SYMPK: variants seen among roughly 807,000 people sequenced by gnomAD.
SYMPK encodes symplekin scaffold protein, also known as symplekin.
SYMPK carries 49 observed loss-of-function variants against 136.4 expected under a neutral mutation model. The observed-to-expected ratio is 0.36, with a 90% CI of 0.29 to 0.46. The LOEUF is 0.46. Ranked by LOEUF, SYMPK falls within the 20% of genes least tolerant of loss-of-function variation. The pLI is 1.00. For synonymous variants in SYMPK, 766 were observed against 713.0 expected (o/e 1.07, Z -1.19); for missense variants, 1,365 against 1,690.0 (o/e 0.81, Z 3.37).
At position 45,815,887 on chromosome 19, in the gene SYMPK, C is replaced by G; in HGVS notation, c.3651G>C (p.Ala1217=). 3 of 1,612,344 alleles carry G rather than the reference C, an allele frequency of 1.9e-6. No homozygotes were observed. The highest frequency in any genetic ancestry group is 1.1e-5 in the South Asian group (1 of 90,964). ...GGCCCTCGAGACTAGAGTCCAACAG[C>G]GCGGCCTCGGTCAGCCCCGAGTCGT... The part of the protein sequence containing the change: ...MDDDSGLTEA[A]LLDSSLEGPL... Residue 1217 remains alanine (A), a synonymous_variant, in exon 26 of 27, where the codon GCG becomes GCC. Coordinates refer to ENST00000245934, the MANE Select transcript of SYMPK (RefSeq NM_004819.3).
Position 45,815,601 on chromosome 19 carries a change from C to A in SYMPK, c.3784G>T (p.Ala1262Ser), listed in dbSNP as rs1304005589. 1.3e-6 allele frequency: 2 copies of A among 1,598,758 alleles called. No homozygotes were observed. The highest frequency in any genetic ancestry group is 1.7e-5 in the Admixed American group (1 of 58,316). The stretch of plus-strand genomic sequence containing the variant: ...GCCTCGGGTTCCCTGGCGTCCTCGG[C>A]AGCCGGGCTGGGAGTCTTCATAGCA... The part of the protein sequence containing the change: ...EDAMKTPSPA[A>S]EDAREPEAKG... The change falls in exon 27 of 27, where the codon GCC (alanine) becomes TCC (serine). Residue 1262 changes from alanine to serine, a missense_variant. Transcript: ENST00000245934.
At position 45,829,074 on chromosome 19, in the gene SYMPK, G is replaced by A. The variant is rs778931528; in HGVS notation, c.1881C>T (p.Tyr627=). 18 of 1,614,192 alleles carry A rather than the reference G, an allele frequency of 1.1e-5. No homozygotes were observed. The highest frequency in any genetic ancestry group is 1.7e-5 in the Admixed American group (1 of 60,016). Residue 627 remains tyrosine, a synonymous_variant, in exon 14 of 27, where the codon TAC becomes TAT. Coordinates refer to ENST00000245934, the MANE Select transcript of SYMPK (RefSeq NM_004819.3). ...DLAFAWLYQE[Y]NAYLAAGASG... is the part of the protein sequence containing the mutation. Reference sequence around the variant, plus strand: ...AGGCACCTGCGGCCAGGTAGGCGTTGTACTCCTGGTAGAGCCAGGCGAAGG... The same window carrying A: ...AGGCACCTGCGGCCAGGTAGGCGTTATACTCCTGGTAGAGCCAGGCGAAGG...
intron 21 of SYMPK, 145 bp downstream of exon 21, chr19:45,822,611 G>T: frequency 1.5e-6 from 1 of 653,028 alleles, no homozygotes. Context: ...GGGAGCTCCG[G>T]GACACATGGA....
In SYMPK at chr19:45,815,845, C is replaced by T. The variant is rs1301824373; in HGVS notation, c.3687+6G>A. ...CTTCCTTCGCAGCGGAGGCTGCTCT[C>T]CCTACCTTGGGTAGGGGGCCCTCGA... is the stretch of plus-strand genomic sequence containing the variant. On this transcript the variant is annotated splice_donor_region_variant and intron_variant, in intron 26 of 26. Transcript: ENST00000245934. 2 of 1,611,228 alleles carry T rather than the reference C, an allele frequency of 1.2e-6. No individual in the cohort carries two copies. The highest frequency in any genetic ancestry group is 4.5e-5 in the East Asian group (2 of 44,854).
In SYMPK at chr19:45,830,041, GGCAGGCGCACACCTGGGCTGCCCCGCT is replaced by G; in HGVS notation, c.1735_1749+12del. On this transcript the variant is annotated splice_donor_variant and splice_donor_5th_base_variant and coding_sequence_variant and intron_variant, in exon 13 of 27. Transcript: ENST00000245934. LOFTEE classifies it high-confidence loss of function. The stretch of plus-strand genomic sequence containing the variant: ...GGACTGGAAGGATGGGGTGGGGGGT[GGCAGGCGCACACCTGGGCTGCCCCGCT>G]GCAGGCCACAGCCTTCTCAGCCCGC... 6.5e-7 allele frequency: 1 copy of G among 1,536,614 alleles called. No homozygotes were observed. Among genetic ancestry groups the G allele is most frequent in the Non-Finnish European group, 8.8e-7 (1 of 1,134,972 alleles).
chr19:45,827,225 C>T (rs999682556), intron 16 of SYMPK, among the ~76,000 whole-genome samples: 2 of 152,332 alleles, frequency 1.3e-5, no homozygotes, highest in Middle Eastern at 3.4e-3. Context: ...CACGGGTGGA[C>T]TAAGAGCGAG....
chr19:45,826,200 T>C (rs374618368), intron 17 of SYMPK, 26 bp downstream of exon 17: 410 of 1,601,992 alleles, frequency 2.6e-4, no homozygotes, highest in Non-Finnish European at 3.2e-4. Flanking sequence ...CAGCGCTCAG[T>C]ATGCATCTGA....
chr19:45,854,626 C>T (rs1026062227), intron 1 of SYMPK, 119 bp from the exon 2 acceptor site: 3 of 759,312 alleles, frequency 4.0e-6, no homozygotes, highest in Non-Finnish European at 4.4e-6. Context: ...TGTTCCTCCC[C>T]AGTCAGGCCT....
At position 45,823,378 on chromosome 19, in the gene SYMPK, C is replaced by T; in HGVS notation, c.2694G>A (p.Leu898=). 6.2e-7 allele frequency: 1 copy of T among 1,613,992 alleles called. No homozygotes were observed. The highest frequency in any genetic ancestry group is 8.5e-7 in the Non-Finnish European group (1 of 1,179,996). The change falls in exon 20 of 27, where the codon CTG becomes CTA. Residue 898 remains leucine (L), a synonymous_variant. Coordinates refer to ENST00000245934, the MANE Select transcript of SYMPK (RefSeq NM_004819.3). ...CAGGCCTCCAGCTCCATACCTTCTC[C>T]AGCCCATTGAGCACCGGGATGAGGA... ...VRFLIPVLNG[L]EKKEVIQALP... is the part of the protein sequence containing the mutation.
At chr19:45,848,359 C>A (rs1474564493) in intron 6 of SYMPK, among the ~76,000 whole-genome samples, 1 of 152,208 alleles carries the variant, frequency 6.6e-6, no homozygotes, top group Non-Finnish European at 1.5e-5. Flanking sequence ...ATAGAGTGTT[C>A]TTTTCCTATC....
Position 45,815,691 on chromosome 19 carries a change from C to T in SYMPK, c.3694G>A (p.Ala1232Thr), listed in dbSNP as rs533280327. The T allele has an allele frequency of 2.0e-5, 32 of 1,609,854 alleles. No homozygotes were observed. The East Asian group carries it at 6.3e-4, about 31-fold the overall frequency. ...TCCTTCAAGGTCAGCCCGCCCGCTG[C>T]CGTCTCCTGGTGACCGGGGAAGGAA... is the stretch of plus-strand genomic sequence containing the variant. Reference protein sequence around the residue: ...SLEGPLPKETAAGGLTLKEER... With the variant: ...SLEGPLPKETTAGGLTLKEER... The change falls in exon 27 of 27, where the codon GCA becomes ACA. Residue 1232 changes from alanine to threonine, a missense_variant. Ala to Thr is a moderately conservative substitution (Grantham distance 58). Transcript: ENST00000245934.
At chr19:45,822,891 C>A in intron 20 of SYMPK, 45 bp from the exon 21 acceptor site, 1 of 1,484,996 alleles carries the variant, frequency 6.7e-7, no homozygotes, top group Non-Finnish European at 9.4e-7. Context: ...TCACATACAC[C>A]CTCATTTCCC....
In SYMPK at chr19:45,853,293, C is replaced by T. The variant is rs1212847289; in HGVS notation, c.172-758G>A. Reference sequence around the variant, plus strand: ...TGAACCATGCCCAGCCCAAGTGTCCCATGTCGTCTTCTGCCTTTGCACACA... The same window carrying T: ...TGAACCATGCCCAGCCCAAGTGTCCTATGTCGTCTTCTGCCTTTGCACACA... On this transcript the variant is annotated intron_variant, in intron 3 of 26. Transcript: ENST00000245934. Among the ~76,000 whole-genome samples, 3 of 152,328 alleles carry T rather than the reference C, an allele frequency of 2.0e-5. No individual in the cohort carries two copies. In the East Asian group the frequency reaches 5.8e-4, roughly 29 times the overall value.
intron 6 of SYMPK, 97 bp from the exon 7 acceptor site, chr19:45,848,098 A>G: frequency 7.2e-7 from 1 of 1,393,746 alleles, no homozygotes; most frequent in Non-Finnish European, 9.7e-7. Context: ...GAGAACCATG[A>G]ATGATGAATA....
chr19:45,823,724 G>C, intron 19 of SYMPK, 43 bp downstream of exon 19: 1 of 1,555,554 alleles, frequency 6.4e-7, no homozygotes, highest in East Asian at 2.3e-5. Context: ...GAAGGCTAAG[G>C]AGAGGGAGGA....
chr19:45,827,084 G>C (rs1180268018), intron 16 of SYMPK, among the ~76,000 whole-genome samples: 1 of 152,124 alleles, frequency 6.6e-6, no homozygotes, highest in Non-Finnish European at 1.5e-5. Flanking sequence ...GCCACACACT[G>C]CTCTGCTCAG....
intron 9 of SYMPK, among the ~76,000 whole-genome samples, chr19:45,840,149 C>T (rs962134554): frequency 6.6e-6 from 1 of 150,656 alleles, no homozygotes; most frequent in African/African-American, 2.4e-5. Context: ...CCTGGCTCTA[C>T]TAAAAATGCA....
intron 7 of SYMPK, among the ~76,000 whole-genome samples, chr19:45,846,231 G>A (rs1433976922): frequency 2.6e-5 from 4 of 152,130 alleles, no homozygotes; most frequent in East Asian, 1.9e-4. Flanking sequence ...GCGAGACTCC[G>A]TCTCAAAAAA....
chr19:45,834,266 T>C, intron 11 of SYMPK, among the ~76,000 whole-genome samples: 1 of 148,452 alleles, frequency 6.7e-6, no homozygotes, highest in East Asian at 2.0e-4. Flanking sequence ...CCAACCTGGG[T>C]GACACTGCAA....
Sources: allele counts gnomAD v4.1 joint callset (sites outside exome capture counted in the v4.1 genomes callset), GRCh38; gene constraint gnomAD v4.1.1; transcripts MANE v1.5; gene names NCBI Gene and HGNC (gene_info 2026-07-23, HGNC 2026-07-21).